SENP7: variants seen among roughly 807,000 people sequenced by gnomAD.
SENP7 encodes the protein SUMO specific peptidase 7.
SENP7 carries 64 observed loss-of-function variants against 141.2 expected under a neutral mutation model. That is an observed-to-expected ratio of 0.45 (90% CI 0.37 to 0.56). The LOEUF (loss-of-function observed/expected upper bound fraction) is 0.56. SENP7 is among the 20% of genes least tolerant of loss of function. The pLI, the probability that SENP7 is intolerant of heterozygous loss-of-function variation, is 0.00. For missense variants in SENP7, 1,025 were observed against 1,212.2 expected (o/e 0.85, Z 2.29); for synonymous variants, 382 against 426.4 (o/e 0.90, Z 1.28).
chr3:101,447,707 G>GT (rs1225622123), intron 4 of SENP7, among the ~76,000 whole-genome samples: 1 of 151,846 alleles, frequency 6.6e-6, no homozygotes, highest in Non-Finnish European at 1.5e-5. Flanking sequence ...ATCCTTGCTG[G>GT]TTTTTTGGTT....
At chr3:101,441,942 C>T (rs1163032707) in intron 4 of SENP7, among the ~76,000 whole-genome samples, 1 of 152,170 alleles carries the variant, frequency 6.6e-6, no homozygotes, top group East Asian at 1.9e-4. Flanking sequence ...ACACCAATAT[C>T]ACTGATTATG....
chr3:101,493,511 T>C (rs1047063516), intron 3 of SENP7, among the ~76,000 whole-genome samples: 2 of 152,216 alleles, frequency 1.3e-5, no homozygotes, highest in African/African-American at 4.8e-5. Flanking sequence ...TTTTGAAATA[T>C]AGTTATATTA....
intron 6 of SENP7, among the ~76,000 whole-genome samples, chr3:101,398,156 T>G (rs1229612789): frequency 6.6e-6 from 1 of 152,264 alleles, no homozygotes; most frequent in Admixed American, 6.5e-5. Context: ...TTCTAGAGTC[T>G]GAATATAAAA....
intron 5 of SENP7, among the ~76,000 whole-genome samples, chr3:101,401,328 A>AGACCAGCCTT (rs2061135110): frequency 6.6e-6 from 1 of 152,048 alleles, no homozygotes; most frequent in African/African-American, 2.4e-5. Flanking sequence ...CAGGAATTCA[A>AGACCAGCCTT]GACCAGCCTT....
At chr3:101,352,841 T>C (rs2059647283) in intron 11 of SENP7, among the ~76,000 whole-genome samples, 1 of 151,972 alleles carries the variant, frequency 6.6e-6, no homozygotes, top group Non-Finnish European at 1.5e-5. Flanking sequence ...AATTTAAAAA[T>C]TATTTCATCT....
intron 3 of SENP7, among the ~76,000 whole-genome samples, chr3:101,493,085 T>C (rs79074233): frequency 6.6e-6 from 1 of 152,176 alleles, no homozygotes; most frequent in South Asian, 2.1e-4. Context: ...AATGAGATCA[T>C]GTCCTTTGCA....
At chr3:101,511,454 TG>T (rs1348582455) in intron 1 of SENP7, among the ~76,000 whole-genome samples, 1 of 152,200 alleles carries the variant, frequency 6.6e-6, no homozygotes, top group Non-Finnish European at 1.5e-5. Flanking sequence ...AGCCCGCAAA[TG>T]ACACCAGCTA....
chr3:101,381,458 A>C (rs1296002763), intron 6 of SENP7, among the ~76,000 whole-genome samples: 1 of 152,148 alleles, frequency 6.6e-6, no homozygotes, highest in Non-Finnish European at 1.5e-5. Flanking sequence ...AAATATTTAG[A>C]TGAAAGCATA....
chr3:101,328,000 G>T (rs2058947934), intron 22 of SENP7, among the ~76,000 whole-genome samples, 184 bp from the exon 23 acceptor site: 1 of 152,134 alleles, frequency 6.6e-6, no homozygotes, highest in South Asian at 2.1e-4. Flanking sequence ...AAGAAAATAT[G>T]TAATGTGATT....
chr3:101,491,731 C>A (rs2064973343), intron 3 of SENP7, among the ~76,000 whole-genome samples: 1 of 152,134 alleles, frequency 6.6e-6, no homozygotes, highest in Non-Finnish European at 1.5e-5. Flanking sequence ...TCTAAATGTT[C>A]TTTTACACTA....
At chr3:101,370,820 T>C (rs1559731063) in intron 7 of SENP7, among the ~76,000 whole-genome samples, 1 of 152,220 alleles carries the variant, frequency 6.6e-6, no homozygotes, top group South Asian at 2.1e-4. Flanking sequence ...GAGTTTCAGC[T>C]GGTTTCTTGT....
chr3:101,404,492 G>C (rs1011137704), intron 5 of SENP7, among the ~76,000 whole-genome samples: 1 of 152,132 alleles, frequency 6.6e-6, no homozygotes, highest in Non-Finnish European at 1.5e-5. Flanking sequence ...GCAATACCAT[G>C]CAGGACGTAG....
chr3:101,397,425 A>G (rs1404257177), intron 6 of SENP7, among the ~76,000 whole-genome samples: 1 of 152,188 alleles, frequency 6.6e-6, no homozygotes. Context: ...GAGCCACTTG[A>G]TAGATACATA....
At chr3:101,340,660 G>C (rs1019932318) in intron 15 of SENP7, among the ~76,000 whole-genome samples, 1 of 152,142 alleles carries the variant, frequency 6.6e-6, no homozygotes, top group Non-Finnish European at 1.5e-5. Context: ...ATTGTGCTCT[G>C]CTCCTGGTGG....
At chr3:101,376,687 T>G (rs2060343349) in intron 6 of SENP7, among the ~76,000 whole-genome samples, 1 of 152,012 alleles carries the variant, frequency 6.6e-6, no homozygotes, top group African/African-American at 2.4e-5. Context: ...TAATGTTAAA[T>G]GACGAGTTAA....
At chr3:101,455,005 C>A (rs754685521) in intron 4 of SENP7, among the ~76,000 whole-genome samples, 4 of 151,994 alleles carry the variant, frequency 2.6e-5, no homozygotes, top group Non-Finnish European at 4.4e-5. Context: ...TAAATTATAT[C>A]ACAATAAAAC....
chr3:101,367,750 G>A, intron 8 of SENP7, 80 bp downstream of exon 8: 1 of 855,606 alleles, frequency 1.2e-6, no homozygotes, highest in South Asian at 2.2e-5. Flanking sequence ...AAAGCTAGAG[G>A]AACATTATTT....
chr3:101,337,356 T>C lies in SENP7; in HGVS notation c.2480+153A>G, dbSNP rs112481235. 1,117 of 455,420 alleles carry C rather than the reference T, an allele frequency of 2.5e-3. 9 individuals are homozygous for C. Among genetic ancestry groups the C allele is most frequent in the African/African-American group, 0.021 (1,050 of 48,868 alleles). 28.2% of individuals were successfully genotyped at this position (455,420 alleles called of 1,614,324 possible). On this transcript the variant is annotated intron_variant, in intron 17 of 23. Coordinates refer to ENST00000394095, the MANE Select transcript of SENP7 (RefSeq NM_020654.5). ...CATGGGCAGCAAAACAGTGGAAGGA[T>C]GAGAAATGGCTCTCATGGCAAACAG...
At chr3:101,418,876 A>G (rs2061701449) in intron 4 of SENP7, among the ~76,000 whole-genome samples, 1 of 152,220 alleles carries the variant, frequency 6.6e-6, no homozygotes, top group Non-Finnish European at 1.5e-5. Context: ...CTATGGATCA[A>G]TAATAATTCA....
Sources: allele counts gnomAD v4.1 joint callset (sites outside exome capture counted in the v4.1 genomes callset), GRCh38; gene constraint gnomAD v4.1.1; transcripts MANE v1.5; gene names NCBI Gene and HGNC (gene_info 2026-07-23, HGNC 2026-07-21).